ZNF521: variants seen among roughly 807,000 people sequenced by gnomAD.
ZNF521 encodes LYST-interacting protein 3.
A neutral mutation model predicts 105.5 loss-of-function variants in ZNF521; 14 were observed. The observed-to-expected ratio is 0.13, with a 90% confidence interval of 0.09 to 0.21. The LOEUF is 0.21. Ranked by LOEUF, ZNF521 falls within the 10% of genes least tolerant of loss-of-function variation. The pLI, the probability that ZNF521 is intolerant of heterozygous loss-of-function variation, is 1.00. For synonymous variants in ZNF521, 635 were observed against 606.0 expected (o/e 1.05, Z -0.70); for missense variants, 1,233 against 1,629.7 (o/e 0.76, Z 4.19).
At chr18:25,284,467 A>C (rs1055407600) in intron 3 of ZNF521, among the ~76,000 whole-genome samples, 1 of 151,902 alleles carries the variant, frequency 6.6e-6, no homozygotes, top group African/African-American at 2.4e-5. Flanking sequence ...ACGTCACACA[A>C]AAAAATCAGC....
intron 5 of ZNF521, among the ~76,000 whole-genome samples, chr18:25,170,644 G>GTCTCAATT (rs2035432926): frequency 2.0e-5 from 3 of 152,082 alleles, no homozygotes; most frequent in Non-Finnish European, 2.9e-5. Flanking sequence ...TAATGCTTCA[G>GTCTCAATT]TGACACCCAA....
intron 2 of ZNF521, among the ~76,000 whole-genome samples, chr18:25,350,347 G>A (rs566985113): frequency 5.3e-5 from 8 of 152,116 alleles, no homozygotes; most frequent in Non-Finnish European, 1.2e-4. Context: ...GCCGGGGTCT[G>A]TTTACTCCGG....
chr18:25,293,196 C>T lies in ZNF521; in HGVS notation c.220+28812G>A, dbSNP rs567980587. 9.2e-5 allele frequency among the ~76,000 whole-genome samples: 14 copies of T among 152,258 alleles called. No individual in the cohort carries two copies. In the South Asian group the frequency reaches 1.5e-3, roughly 16 times the overall value. On this transcript the variant is annotated intron_variant, in intron 3 of 7. Transcript: ENST00000361524. ...TTTTAATCAATAATTAAAGAAAAAT[C>T]ATACATATGATTCCACACAATTAAA...
At position 25,224,528 on chromosome 18, in the gene ZNF521, T is replaced by C; in HGVS notation, c.3390A>G (p.Lys1130=). The C allele has an allele frequency of 6.2e-7, 1 of 1,614,030 alleles. No individual in the cohort carries two copies. The highest frequency in any genetic ancestry group is 8.5e-7 in the Non-Finnish European group (1 of 1,179,978). ...GTGTCTTCAGTCCCCCCACCTTGCC[T>C]TTCCCCTCAATGGCACTCAGATTCT... ...QNENLSAIEG[K]GKVGGLKTRC... is the part of the protein sequence containing the mutation. Residue 1130 remains lysine (K), a synonymous_variant, in exon 4 of 8, where the codon AAA becomes AAG. Coordinates refer to ENST00000361524, the MANE Select transcript of ZNF521 (RefSeq NM_015461.3).
At chr18:25,121,732 T>G (rs2034448123) in intron 5 of ZNF521, among the ~76,000 whole-genome samples, 1 of 152,026 alleles carries the variant, frequency 6.6e-6, no homozygotes, top group Non-Finnish European at 1.5e-5. Flanking sequence ...GCATCAGTAG[T>G]GCGGAAAAAT....
chr18:25,310,263 T>C (rs929294081), intron 3 of ZNF521, among the ~76,000 whole-genome samples: 3 of 152,322 alleles, frequency 2.0e-5, no homozygotes, highest in South Asian at 2.1e-4. Flanking sequence ...TCAGTGTACA[T>C]GCCTACTATA....
At chr18:25,149,252 G>A (rs142875633) in intron 5 of ZNF521, among the ~76,000 whole-genome samples, 1 of 152,280 alleles carries the variant, frequency 6.6e-6, no homozygotes, top group African/African-American at 2.4e-5. Context: ...CTTCTAAGGT[G>A]CTACGATTGA....
intron 2 of ZNF521, among the ~76,000 whole-genome samples, chr18:25,326,288 C>A (rs927905566): frequency 6.6e-6 from 1 of 152,164 alleles, no homozygotes; most frequent in African/African-American, 2.4e-5. Context: ...ACTGAGAAAA[C>A]AGCCCAATTT....
intron 7 of ZNF521, among the ~76,000 whole-genome samples, chr18:25,064,302 G>A (rs1006254724): frequency 3.2e-5 from 3 of 93,988 alleles, no homozygotes; most frequent in Non-Finnish European, 6.6e-5. Context: ...AACCTGCCTA[G>A]CCATTGGGGA....
Position 25,321,507 on chromosome 18 carries a change from C to T in ZNF521, c.220+501G>A, listed in dbSNP as rs532830786. On this transcript the variant is annotated intron_variant, in intron 3 of 7. Coordinates refer to ENST00000361524, the MANE Select transcript of ZNF521 (RefSeq NM_015461.3). ...AGCCATCCATGAGCTTTCAGTCTAA[C>T]GAGTGAGATGGAAAAATGAACATAC... Among the ~76,000 whole-genome samples the T allele has an allele frequency of 1.9e-3, 283 of 152,178 alleles. 3 individuals carry two copies. The highest frequency in any genetic ancestry group is 6.1e-3 in the African/African-American group (254 of 41,500).
intron 5 of ZNF521, among the ~76,000 whole-genome samples, chr18:25,169,664 T>C (rs1041464663): frequency 3.3e-5 from 5 of 152,156 alleles, no homozygotes; most frequent in African/African-American, 1.2e-4. Flanking sequence ...TTTAAATAAA[T>C]GACGACCTAC....
At chr18:25,211,573 A>C (rs1235469106) in intron 4 of ZNF521, among the ~76,000 whole-genome samples, 2 of 152,092 alleles carry the variant, frequency 1.3e-5, no homozygotes, top group Non-Finnish European at 2.9e-5. Context: ...CCATTTTCCT[A>C]TATGGCAGTT....
intron 4 of ZNF521, among the ~76,000 whole-genome samples, chr18:25,212,846 T>C (rs1026961008): frequency 4.6e-5 from 7 of 151,480 alleles, no homozygotes; most frequent in Non-Finnish European, 8.8e-5. Flanking sequence ...GTGTATTTTC[T>C]GGGTTTTGCT....
intron 3 of ZNF521, among the ~76,000 whole-genome samples, chr18:25,243,987 A>T (rs1907528898): frequency 6.6e-6 from 1 of 152,196 alleles, no homozygotes; most frequent in Non-Finnish European, 1.5e-5. Flanking sequence ...GTTCAACCGC[A>T]TAAATTCACT....
chr18:25,145,980 T>A (rs2034935007), intron 5 of ZNF521, among the ~76,000 whole-genome samples: 1 of 152,156 alleles, frequency 6.6e-6, no homozygotes, highest in African/African-American at 2.4e-5. Context: ...TGACAACAGT[T>A]ACCATTTATA....
chr18:25,140,168 C>T (rs2034820140), intron 5 of ZNF521, among the ~76,000 whole-genome samples: 1 of 152,158 alleles, frequency 6.6e-6, no homozygotes, highest in Non-Finnish European at 1.5e-5. Flanking sequence ...TTCATCAAAT[C>T]ACAAATCAGA....
intron 2 of ZNF521, among the ~76,000 whole-genome samples, chr18:25,350,466 T>C (rs1235115918): frequency 6.6e-6 from 1 of 152,126 alleles, no homozygotes; most frequent in Non-Finnish European, 1.5e-5. Context: ...CCGAGATGAC[T>C]TTTTTCTTCT....
intron 5 of ZNF521, among the ~76,000 whole-genome samples, chr18:25,188,443 C>T (rs773422211): frequency 5.3e-5 from 8 of 152,086 alleles, no homozygotes; most frequent in South Asian, 4.1e-4. Context: ...TGTGTGTGAA[C>T]GGATTCTGTG....
chr18:25,268,077 G>T (rs147259956), intron 3 of ZNF521, among the ~76,000 whole-genome samples: 1,644 of 152,272 alleles, frequency 0.011, 20 homozygotes, highest in Admixed American at 0.036. Context: ...CCAGTTTTGA[G>T]AAGAACATAA....
Sources: gnomAD v4.1 joint callset for allele counts (sites outside exome capture counted in the v4.1 genomes callset) on GRCh38, gnomAD v4.1.1 for gene constraint, MANE v1.5 for transcripts, NCBI Gene and HGNC (gene_info 2026-07-23, HGNC 2026-07-21) for gene names.